The following NBPF8 variants were observed in gnomAD, a reference collection of about 807,000 sequenced individuals.
NBPF8 encodes the protein NBPF member 8.
In NBPF8 at chr1:120,450,554, C is replaced by G. The variant is rs1553248671; in HGVS notation, n.1972-626C>G. Among the ~76,000 whole-genome samples the G allele has an allele frequency of 1.4e-3, 212 of 152,210 alleles. 2 individuals are homozygous for G. The highest frequency in any genetic ancestry group is 4.5e-3 in the African/African-American group (185 of 41,518). ...GTCTCCTAGAACATTTATTGGCACACAGTAAACACTATCTATTAGTTCTTC... is the reference window on the plus strand; with the variant it reads ...GTCTCCTAGAACATTTATTGGCACAGAGTAAACACTATCTATTAGTTCTTC... On this transcript the variant is annotated intron_variant and non_coding_transcript_variant, in intron 11 of 24. Coordinates refer to ENST00000583271, the Ensembl canonical transcript of NBPF8.
intron 20 of NBPF8, among the ~76,000 whole-genome samples, chr1:120,462,429 G>A (rs1661617868): frequency 1.4e-5 from 2 of 147,416 alleles, no homozygotes; most frequent in East Asian, 2.1e-4. Context: ...TATGGCAACT[G>A]CATGGAGTCT....
chr1:120,420,364 G>C (rs1660539749), intron 1 of NBPF8, among the ~76,000 whole-genome samples: 1 of 145,302 alleles, frequency 6.9e-6, no homozygotes, highest in Non-Finnish European at 1.5e-5. Context: ...GTTCTCTCCA[G>C]GACTTTTCCT....
intron 11 of NBPF8, among the ~76,000 whole-genome samples, chr1:120,450,405 C>T (rs1202308038): frequency 6.6e-6 from 1 of 151,752 alleles, no homozygotes; most frequent in African/African-American, 2.4e-5. Flanking sequence ...GGGCCTGTCT[C>T]CTGGGATCCA....
chr1:120,435,883 A>G (rs1318894975), upstream of NBPF8, among the ~76,000 whole-genome samples: 19 of 151,082 alleles, frequency 1.3e-4, 1 homozygote, highest in African/African-American at 4.6e-4. Flanking sequence ...TAAAAAAGTC[A>G]AAACAAGAGA....
intron 1 of NBPF8, 39 bp downstream of exon 4, chr1:120,436,736 G>T (rs1570934969): frequency 2.0e-6 from 2 of 984,484 alleles, no homozygotes; most frequent in Non-Finnish European, 3.2e-6. Flanking sequence ...AGTGATGAAT[G>T]ATGTCCTGTC....
Position 120,453,589 on chromosome 1 carries a change from G to C in NBPF8, n.2362+145G>C, listed in dbSNP as rs1319179897. The C allele has an allele frequency of 9.2e-6, 8 of 868,316 alleles. No individual in the cohort carries two copies. In the East Asian group the frequency reaches 1.9e-4, roughly 21 times the overall value. The allele number at this position is 868,316 out of a possible 1,614,324, so 53.8% of individuals were successfully genotyped here. On this transcript the variant is annotated intron_variant and non_coding_transcript_variant, in intron 14 of 24. Coordinates refer to ENST00000583271, the Ensembl canonical transcript of NBPF8. ...TGAAATATAACCCAGCTTAGACACAGGGTGCGGTAGCTGTCATGTTTCTCT... is the reference window on the plus strand; with the variant it reads ...TGAAATATAACCCAGCTTAGACACACGGTGCGGTAGCTGTCATGTTTCTCT...
intron 16 of NBPF8, among the ~76,000 whole-genome samples, chr1:120,456,808 G>A (rs1182836707): frequency 1.3e-5 from 2 of 151,680 alleles, no homozygotes; most frequent in Non-Finnish European, 2.9e-5. Flanking sequence ...CTGTCGTTAT[G>A]ATGTTAGCTG....
At chr1:120,466,008 G>A in exon 25 of NBPF8, 1 of 1,611,886 alleles carries the variant, frequency 6.2e-7, no homozygotes, top group Non-Finnish European at 8.5e-7. Flanking sequence ...AAGTGGAAGA[G>A]CCTGAAGTCT....
Position 120,430,470 on chromosome 1 carries a change from A to G in NBPF8, n.510+2623A>G, listed in dbSNP as rs1464878790. 4.7e-4 allele frequency among the ~76,000 whole-genome samples: 51 copies of G among 108,956 alleles called. 4 individuals carry two copies. The East Asian group carries it at 9.8e-3, about 21-fold the overall frequency. 71.5% of individuals were successfully genotyped at this position (108,956 alleles called of 152,430 possible). On this transcript the variant is annotated intron_variant and non_coding_transcript_variant, in intron 3 of 28. Transcript: ENST00000652355. ...CATGTTGTGCTTATAAACAAATTCA[A>G]CAGACGGGGCACCGTGGCTCACACC... is the stretch of plus-strand genomic sequence containing the variant.
At chr1:120,419,486 CTT>C (rs1218914058), upstream of NBPF8, among the ~76,000 whole-genome samples, 11 of 151,886 alleles carry the variant, frequency 7.2e-5, no homozygotes, top group South Asian at 2.1e-4. Context: ...AGTCAGGACT[CTT>C]TATTTTTTTT....
upstream of NBPF8, among the ~76,000 whole-genome samples, chr1:120,415,284 G>A (rs1299697312): frequency 3.3e-5 from 5 of 152,134 alleles, no homozygotes; most frequent in African/African-American, 9.7e-5. Context: ...AGGTGAAGGC[G>A]CCGCGCCAGG....
chr1:120,455,312 G>A (rs1661405116), intron 15 of NBPF8, 97 bp from the exon 14 acceptor site: 2 of 688,378 alleles, frequency 2.9e-6, no homozygotes, highest in Middle Eastern at 3.8e-4. Context: ...CTTGCACTGA[G>A]AATAGTTATG....
chr1:120,455,971 T>C (rs1401041315), intron 16 of NBPF8, among the ~76,000 whole-genome samples: 1 of 152,082 alleles, frequency 6.6e-6, no homozygotes, highest in Non-Finnish European at 1.5e-5. Flanking sequence ...ATGTTGTGTC[T>C]TTTTTCTCAT....
At chr1:120,454,578 C>T (rs1553249461) in intron 15 of NBPF8, among the ~76,000 whole-genome samples, 103 of 152,234 alleles carry the variant, frequency 6.8e-4, no homozygotes, top group African/African-American at 2.3e-3. Flanking sequence ...CACAGTCACC[C>T]TGAAATCAGT....
At chr1:120,416,112 G>A (rs1468958823), upstream of NBPF8, among the ~76,000 whole-genome samples, 1 of 152,070 alleles carries the variant, frequency 6.6e-6, no homozygotes, top group Non-Finnish European at 1.5e-5. Context: ...GGAAAGATCT[G>A]CTGGTAGTGT....
At chr1:120,461,062 G>C (rs1441023939) in intron 18 of NBPF8, among the ~76,000 whole-genome samples, 192 bp from the exon 17 acceptor site, 3 of 131,628 alleles carry the variant, frequency 2.3e-5, no homozygotes, top group East Asian at 2.9e-4. Context: ...GTGTGTGTGT[G>C]TGTCTTTCTC....
chr1:120,425,603 C>T (rs1166161652), intron 1 of NBPF8, among the ~76,000 whole-genome samples: 6 of 152,264 alleles, frequency 3.9e-5, no homozygotes, highest in African/African-American at 7.2e-5. Context: ...TGCTGAACGC[C>T]GGTCCCCTGG....
At chr1:120,433,546 A>G (rs1242686996), upstream of NBPF8, 114 of 156,320 alleles carry the variant, frequency 7.3e-4, no homozygotes, top group Non-Finnish European at 1.1e-3. Flanking sequence ...TTTTGGCAGC[A>G]ATAAGGTGTG....
upstream of NBPF8, among the ~76,000 whole-genome samples, chr1:120,431,359 AATATATATATATATAT>A (rs869036983): frequency 0.11 from 4,624 of 42,066 alleles, 255 homozygotes; most frequent in African/African-American, 0.17. Flanking sequence ...CCAAATAGGG[AATATATATATATATAT>A]ATATATATAT....
Sources: gnomAD v4.1 joint callset for allele counts (sites outside exome capture counted in the v4.1 genomes callset) on GRCh38, gnomAD v4.1.1 for gene constraint, MANE v1.5 for transcripts, NCBI Gene and HGNC (gene_info 2026-07-23, HGNC 2026-07-21) for gene names.